The following INPP4B variants were observed in gnomAD, a reference collection of about 807,000 sequenced individuals.
The protein encoded by INPP4B is inositol polyphosphate-4-phosphatase type II B.
INPP4B carries 55 observed loss-of-function variants against 122.5 expected under a neutral mutation model. The ratio of observed to expected loss-of-function variants is 0.45; its 90% CI spans 0.36 to 0.56. The LOEUF is 0.56. INPP4B is among the 20% of genes least tolerant of loss of function. The probability of loss-of-function intolerance (pLI) is 0.00; values close to 1 mark genes in which losing one functional copy is unlikely to be tolerated. For missense variants in INPP4B, 1,000 were observed against 1,097.7 expected (o/e 0.91, Z 1.26); for synonymous variants, 403 against 388.7 (o/e 1.04, Z -0.43).
intron 2 of INPP4B, among the ~76,000 whole-genome samples, chr4:142,553,128 C>CT (rs991863318): frequency 4.6e-5 from 7 of 151,872 alleles, no homozygotes; most frequent in East Asian, 1.9e-4. Context: ...CTCCTCTCAG[C>CT]TTTTTTTTAG....
At chr4:142,749,853 G>T (rs114810037) in intron 1 of INPP4B, among the ~76,000 whole-genome samples, 3,749 of 139,460 alleles carry the variant, frequency 0.027, 58 homozygotes, top group Middle Eastern at 0.1. Context: ...CAAGAGAACA[G>T]ATAGTCAAGA....
intron 1 of INPP4B, among the ~76,000 whole-genome samples, chr4:142,812,490 C>T (rs866597131): frequency 6.6e-6 from 1 of 152,138 alleles, no homozygotes; most frequent in South Asian, 2.1e-4. Flanking sequence ...ACAAATTCCA[C>T]TAAATTCTAT....
At chr4:142,513,096 G>A (rs1239353251) in intron 2 of INPP4B, among the ~76,000 whole-genome samples, 1 of 152,002 alleles carries the variant, frequency 6.6e-6, no homozygotes, top group Non-Finnish European at 1.5e-5. Flanking sequence ...ATATGACAGG[G>A]CACTTCAAGA....
At chr4:142,355,464 T>C (rs1016931004) in intron 7 of INPP4B, among the ~76,000 whole-genome samples, 5 of 151,996 alleles carry the variant, frequency 3.3e-5, no homozygotes, top group Admixed American at 6.6e-5. Flanking sequence ...TTCTGACAAA[T>C]CAAACCCATG....
At chr4:142,834,704 T>C (rs1161267305) in intron 1 of INPP4B, among the ~76,000 whole-genome samples, 2 of 152,190 alleles carry the variant, frequency 1.3e-5, no homozygotes, top group Non-Finnish European at 1.5e-5. Context: ...TAGAATCCCA[T>C]TGCAATGTTT....
At chr4:142,097,225 T>TTTTATGTTA (rs70949153) in intron 23 of INPP4B, among the ~76,000 whole-genome samples, 2 of 135,488 alleles carry the variant, frequency 1.5e-5, no homozygotes, top group South Asian at 2.3e-4. Context: ...TTTTATGTTA[T>TTTTATGTTA]TTTTATTTTA....
intron 2 of INPP4B, among the ~76,000 whole-genome samples, chr4:142,606,055 A>C (rs974256446): frequency 2.0e-5 from 3 of 152,030 alleles, no homozygotes; most frequent in African/African-American, 7.2e-5. Flanking sequence ...ATAGAATACT[A>C]TTGGGCAATT....
chr4:142,368,852 C>T (rs1250545039), intron 7 of INPP4B, among the ~76,000 whole-genome samples: 1 of 152,024 alleles, frequency 6.6e-6, no homozygotes, highest in Non-Finnish European at 1.5e-5. Context: ...CTAGGAAGAA[C>T]AAGCCCTTGG....
chr4:142,192,354 A>AAAAAAAAAAAAAAAAAAAAAG (rs148371542), intron 15 of INPP4B, among the ~76,000 whole-genome samples: 18 of 73,182 alleles, frequency 2.5e-4, no homozygotes, highest in Admixed American at 4.0e-4. Flanking sequence ...AAAAAAAAAA[A>AAAAAAAAAAAAAAAAAAAAAG]TGGGATTCTT....
At chr4:142,821,596 A>G (rs1180413089) in intron 1 of INPP4B, among the ~76,000 whole-genome samples, 1 of 152,124 alleles carries the variant, frequency 6.6e-6, no homozygotes, top group Non-Finnish European at 1.5e-5. Flanking sequence ...TATTTTGTTT[A>G]TTTTGTGAAT....
chr4:142,727,285 G>A (rs1765459555), intron 1 of INPP4B, among the ~76,000 whole-genome samples: 1 of 152,090 alleles, frequency 6.6e-6, no homozygotes, highest in Non-Finnish European at 1.5e-5. Context: ...AAGAAATTGT[G>A]ATATACTTCA....
chr4:142,821,433 A>G (rs2151154366), intron 1 of INPP4B, among the ~76,000 whole-genome samples: 1 of 152,220 alleles, frequency 6.6e-6, no homozygotes, highest in East Asian at 1.9e-4. Flanking sequence ...TTTGTTGCTT[A>G]GAATAATCCA....
Position 142,086,123 on chromosome 4 carries a change from AT to A in INPP4B, c.2487+20del. On this transcript the variant is annotated intron_variant, in intron 24 of 25. Coordinates refer to ENST00000262992, the MANE Select transcript of INPP4B (RefSeq NM_001101669.3). ...TGGTTATGACATGGCAGGAAATAAG[AT>A]TTGACATGAGAGTGCTTACCGTTGC... The A allele has an allele frequency of 7.1e-7, 1 of 1,400,920 alleles. No individual in the cohort carries two copies. The highest frequency in any genetic ancestry group is 1.0e-6 in the Non-Finnish European group (1 of 985,736). 86.8% of individuals were successfully genotyped at this position (1,400,920 alleles called of 1,614,324 possible). A position where few individuals can be genotyped will look rare whatever the true frequency, so the allele number is the denominator to read the frequency against.
At chr4:142,650,549 A>T (rs1369151403) in intron 2 of INPP4B, among the ~76,000 whole-genome samples, 1 of 152,170 alleles carries the variant, frequency 6.6e-6, no homozygotes, top group African/African-American at 2.4e-5. Flanking sequence ...AAGTAAAAAA[A>T]AAAAAGGCAG....
At chr4:142,447,565 A>G (rs1813173232) in intron 3 of INPP4B, among the ~76,000 whole-genome samples, 1 of 152,190 alleles carries the variant, frequency 6.6e-6, no homozygotes, top group Non-Finnish European at 1.5e-5. Flanking sequence ...CAAGACAAAG[A>G]AACTATGCAT....
At chr4:142,105,439 A>G (rs1786535552) in intron 23 of INPP4B, among the ~76,000 whole-genome samples, 5 of 152,192 alleles carry the variant, frequency 3.3e-5, no homozygotes, top group Admixed American at 3.3e-4. Flanking sequence ...TTGTGACTAT[A>G]AACTAAAATT....
intron 25 of INPP4B, among the ~76,000 whole-genome samples, chr4:142,042,542 GTATGTATGTATGTATGTATTTATT>G (rs1180486572): frequency 3.1e-4 from 35 of 111,764 alleles, no homozygotes; most frequent in Non-Finnish European, 6.0e-4. Flanking sequence ...ATGTATGTAT[GTATGTATGTATGTATGTATTTATT>G]TATTTATTTA....
intron 16 of INPP4B, among the ~76,000 whole-genome samples, chr4:142,172,321 C>T (rs1207821510): frequency 1.3e-5 from 2 of 151,890 alleles, no homozygotes; most frequent in Admixed American, 1.3e-4. Context: ...TTTAAAATTT[C>T]TCTGAGCTTT....
At chr4:142,812,747 G>A (rs1375422878) in intron 1 of INPP4B, among the ~76,000 whole-genome samples, 2 of 152,134 alleles carry the variant, frequency 1.3e-5, no homozygotes, top group Admixed American at 6.5e-5. Flanking sequence ...ATATTTTTGA[G>A]CAATAAAGAC....
Sources: gnomAD v4.1 joint callset for allele counts (sites outside exome capture counted in the v4.1 genomes callset) on GRCh38, gnomAD v4.1.1 for gene constraint, MANE v1.5 for transcripts, NCBI Gene and HGNC (gene_info 2026-07-23, HGNC 2026-07-21) for gene names.